ORC4: variants seen among roughly 807,000 people sequenced by gnomAD.
The protein encoded by ORC4 is origin recognition complex subunit 4.
ORC4 carries 55 observed loss-of-function variants against 63.9 expected under a neutral mutation model. The ratio of observed to expected loss-of-function variants is 0.86; its 90% CI spans 0.69 to 1.08. The LOEUF is 1.08. Ranked by LOEUF, ORC4 falls within the 50% of genes least tolerant of loss-of-function variation. ORC4 has a pLI of 0.00. For synonymous variants in ORC4, 150 were observed against 168.5 expected, an observed-to-expected ratio of 0.89 and a Z score of 0.85; for missense variants, 511 against 504.4, an observed-to-expected ratio of 1.01 and a Z score of -0.13.
intron 4 of ORC4, among the ~76,000 whole-genome samples, chr2:147,961,844 T>C (rs547215051): frequency 2.0e-5 from 3 of 152,312 alleles, no homozygotes; most frequent in African/African-American, 7.2e-5. Context: ...TTTCAGTACA[T>C]TGATTAAACC....
At chr2:147,988,518 T>G (rs1211666850) in intron 1 of ORC4, among the ~76,000 whole-genome samples, 1 of 151,936 alleles carries the variant, frequency 6.6e-6, no homozygotes, top group Admixed American at 6.6e-5. Context: ...CCACCATGCC[T>G]GGCTAATTTT....
At chr2:147,986,997 T>C (rs1353567739) in intron 1 of ORC4, among the ~76,000 whole-genome samples, 1 of 152,118 alleles carries the variant, frequency 6.6e-6, no homozygotes, top group African/African-American at 2.4e-5. Flanking sequence ...AGAAAATGTC[T>C]AAACTTAAAA....
At chr2:147,945,497 T>C (rs1193082672) in intron 9 of ORC4, among the ~76,000 whole-genome samples, 3 of 152,118 alleles carry the variant, frequency 2.0e-5, no homozygotes, top group African/African-American at 7.2e-5. Flanking sequence ...GATAAGGCTA[T>C]TATCAACAAC....
chr2:148,021,449 CTTTGCTGCTGCT>C (rs1469283297), upstream of ORC4: 1 of 571,742 alleles, frequency 1.7e-6, no homozygotes. Flanking sequence ...AACACAGACC[CTTTGCTGCTGCT>C]GTTGCTGCTG....
At chr2:147,943,284 TTGA>T (rs1443955213) in intron 10 of ORC4, 149 bp downstream of exon 10, 1 of 649,912 alleles carries the variant, frequency 1.5e-6, no homozygotes, top group Non-Finnish European at 2.8e-6. Flanking sequence ...GGCACAGTGG[TTGA>T]TGCTTGTAAT....
chr2:148,011,009 T>C (rs539214401), intron 1 of ORC4, among the ~76,000 whole-genome samples: 24 of 151,912 alleles, frequency 1.6e-4, no homozygotes, highest in African/African-American at 5.8e-4. Flanking sequence ...TTGTATTTTT[T>C]GTAGAGATGG....
rs66919703 is a variant in ORC4 at position 147,943,530 on chromosome 2, GAA to G, written c.763-10_763-9del. The stretch of plus-strand genomic sequence containing the variant: ...TCTATCTTCTGAGAGATACTAAAAG[GAA>G]AAAAAAAAAAAAAGCCAAAATTGAG... On this transcript the variant is annotated splice_polypyrimidine_tract_variant and intron_variant, in intron 9 of 13. Coordinates refer to ENST00000392857, the MANE Select transcript of ORC4 (RefSeq NM_181741.4). 69,243 of 1,125,406 alleles carry G rather than the reference GAA, an allele frequency of 0.062. 5 individuals are homozygous for G. Among genetic ancestry groups the G allele is most frequent in the East Asian group, 0.093 (3,531 of 38,172 alleles). 69.7% of individuals were successfully genotyped at this position (1,125,406 alleles called of 1,614,324 possible).
intron 4 of ORC4, among the ~76,000 whole-genome samples, chr2:147,963,381 T>G (rs1689718226): frequency 6.6e-6 from 1 of 152,056 alleles, no homozygotes; most frequent in Non-Finnish European, 1.5e-5. Flanking sequence ...AGCAGCAGTG[T>G]CACAGGCCTG....
At chr2:147,955,292 G>GA in intron 7 of ORC4, 55 bp downstream of exon 7, 2 of 1,247,956 alleles carry the variant, frequency 1.6e-6, no homozygotes, top group Non-Finnish European at 2.3e-6. Flanking sequence ...TATAATCAGG[G>GA]AAAAAATAAA....
At position 147,935,231 on chromosome 2, in the gene ORC4, A is replaced by C; in HGVS notation, c.*279T>G. The C allele has an allele frequency of 2.4e-6, 1 of 424,660 alleles. No homozygotes were observed. Among genetic ancestry groups the C allele is most frequent in the Non-Finnish European group, 4.4e-6 (1 of 228,764 alleles). 26.3% of individuals were successfully genotyped at this position (424,660 alleles called of 1,614,324 possible). ...GTGAGCTCTTCAAATAGACCATTATATATATAAGTGTTAAAAAAGCACATG... is the reference window on the plus strand; with the variant it reads ...GTGAGCTCTTCAAATAGACCATTATCTATATAAGTGTTAAAAAAGCACATG... On this transcript the variant is annotated 3_prime_UTR_variant, in exon 14 of 14. Transcript: ENST00000392857.
intron 9 of ORC4, among the ~76,000 whole-genome samples, chr2:147,945,951 A>G (rs557935256): frequency 1.3e-5 from 2 of 152,228 alleles, no homozygotes; most frequent in South Asian, 4.1e-4. Context: ...GGAAGAAAAT[A>G]TTAGAACTCA....
chr2:147,977,409 G>A (rs890693717), intron 1 of ORC4, among the ~76,000 whole-genome samples: 5 of 152,184 alleles, frequency 3.3e-5, no homozygotes, highest in Admixed American at 6.5e-5. Context: ...ATAATAATGC[G>A]AGAATGACAG....
intron 6 of ORC4, among the ~76,000 whole-genome samples, chr2:147,958,025 T>C (rs565054850): frequency 1.3e-5 from 2 of 152,256 alleles, no homozygotes; most frequent in African/African-American, 4.8e-5. Context: ...AGTATTCACC[T>C]TACAGAAAAT....
At chr2:147,956,399 T>C (rs1689254499) in intron 6 of ORC4, among the ~76,000 whole-genome samples, 1 of 152,090 alleles carries the variant, frequency 6.6e-6, no homozygotes, top group African/African-American at 2.4e-5. Context: ...TCAGGCTTTT[T>C]GCTTAAAAGA....
intron 8 of ORC4, among the ~76,000 whole-genome samples, chr2:147,950,043 G>A (rs142067573): frequency 6.6e-6 from 1 of 152,250 alleles, no homozygotes; most frequent in East Asian, 1.9e-4. Context: ...CTAATAGCCT[G>A]AGGTAGGAGG....
chr2:148,001,705 C>A (rs1234167256), intron 1 of ORC4, among the ~76,000 whole-genome samples: 1 of 152,042 alleles, frequency 6.6e-6, no homozygotes, highest in Non-Finnish European at 1.5e-5. Flanking sequence ...CATCAACTAA[C>A]GGGCAAAATA....
chr2:147,988,546 T>C (rs192679375), intron 1 of ORC4, among the ~76,000 whole-genome samples: 1 of 151,804 alleles, frequency 6.6e-6, no homozygotes, highest in African/African-American at 2.4e-5. Flanking sequence ...TTAGTAGAGA[T>C]GGGGGTTTCA....
chr2:147,995,293 T>C (rs2603599), intron 1 of ORC4, among the ~76,000 whole-genome samples: 89,202 of 151,784 alleles, frequency 0.59, 26,489 homozygotes, highest in Middle Eastern at 0.74. Flanking sequence ...GGATTGTAAA[T>C]GCACCAATCA....
At chr2:147,954,055 A>AAT (rs953693660) in intron 7 of ORC4, among the ~76,000 whole-genome samples, 78 of 150,384 alleles carry the variant, frequency 5.2e-4, no homozygotes, top group African/African-American at 1.4e-3. Context: ...ATAAATTACA[A>AAT]ATATATATAT....
Sources: gnomAD v4.1 joint callset for allele counts (sites outside exome capture counted in the v4.1 genomes callset) on GRCh38, gnomAD v4.1.1 for gene constraint, MANE v1.5 for transcripts, NCBI Gene and HGNC (gene_info 2026-07-23, HGNC 2026-07-21) for gene names.